Variants in CYB5B observed in about 807,000 individuals in gnomAD.
CYB5B encodes the protein cytochrome b5 type B (outer mitochondrial membrane).
In CYB5B, 14 loss-of-function variants were observed where a neutral mutation model predicts 21.3. The observed-to-expected ratio is 0.66, with a 90% CI of 0.43 to 1.03. CYB5B has a LOEUF of 1.03. Ranked by LOEUF, CYB5B falls within the 50% of genes least tolerant of loss-of-function variation. The probability of loss-of-function intolerance (pLI) is 0.00; values close to 1 mark genes in which losing one functional copy is unlikely to be tolerated. For synonymous variants in CYB5B, 69 were observed against 68.4 expected (o/e 1.01, Z -0.04); for missense variants, 166 against 185.1 (o/e 0.90, Z 0.60).
At chr16:69,432,987 G>A (rs1403093795) in intron 1 of CYB5B, among the ~76,000 whole-genome samples, 2 of 152,152 alleles carry the variant, frequency 1.3e-5, no homozygotes, top group South Asian at 2.1e-4. Flanking sequence ...TAATAGAGAC[G>A]GGGTTTTGCC....
rs748608087 is a variant in CYB5B at position 69,447,238 on chromosome 16, G to C, written c.263G>C (p.Arg88Thr). 1.1e-5 allele frequency: 17 copies of C among 1,614,088 alleles called. No homozygotes were observed. The highest frequency in any genetic ancestry group is 1.4e-5 in the Non-Finnish European group (17 of 1,180,004). ...FEDVGHSSDA[R>T]EMLKQYYIGD... ...GATGTAGGACACTCTTCTGATGCCA[G>C]AGAAATGCTAAAGCAGTACTACATT... Residue 88 changes from arginine (R) to threonine (T), a missense_variant, in exon 2 of 5, where the codon AGA becomes ACA. By Grantham distance (71) the Arg-to-Thr change is moderately conservative. Transcript: ENST00000307892.
intron 1 of CYB5B, among the ~76,000 whole-genome samples, chr16:69,436,651 T>C (rs1435392367): frequency 6.6e-6 from 1 of 152,238 alleles, no homozygotes; most frequent in African/African-American, 2.4e-5. Context: ...GGTAATGTGT[T>C]TGGCTAGAGG....
chr16:69,432,237 C>T (rs1315817298), intron 1 of CYB5B, among the ~76,000 whole-genome samples: 4 of 152,206 alleles, frequency 2.6e-5, no homozygotes, highest in African/African-American at 9.6e-5. Context: ...AATTTACAGA[C>T]AGTCCCTGAC....
rs770235130 is a variant in CYB5B at position 69,447,290 on chromosome 16, CAG to C, written c.303+16_303+17del. On this transcript the variant is annotated intron_variant, in intron 2 of 4. Coordinates refer to ENST00000307892, the MANE Select transcript of CYB5B (RefSeq NM_030579.3). ...GTGATATCCATCCGGTAAGAACTAT[CAG>C]AGATGGGAGCCCTTATGCAGAGAAA... The C allele has an allele frequency of 4.3e-6, 7 of 1,611,948 alleles. No homozygotes were observed. Among genetic ancestry groups the C allele is most frequent in the African/African-American group, 1.3e-5 (1 of 74,896 alleles).
chr16:69,435,868 A>ACCTCAGGTGATCCTCCTGG (rs2014755232), intron 1 of CYB5B, among the ~76,000 whole-genome samples: 1 of 151,946 alleles, frequency 6.6e-6, no homozygotes, highest in Non-Finnish European at 1.5e-5. Flanking sequence ...CAAACTCCTG[A>ACCTCAGGTGATCCTCCTGG]CCTCAGGTGA....
Position 69,453,924 on chromosome 16 carries a change from A to G in CYB5B, c.334-5169A>G, listed in dbSNP as rs80007498. 1.2e-4 allele frequency among the ~76,000 whole-genome samples: 18 copies of G among 152,342 alleles called. No homozygotes were observed. In the East Asian group the frequency reaches 3.5e-3, roughly 29 times the overall value. ...AACATAATCTTTTGAAAGAAAGCATAGAATGTGATGACAAAATTACTCCTG... is the reference window on the plus strand; with the variant it reads ...AACATAATCTTTTGAAAGAAAGCATGGAATGTGATGACAAAATTACTCCTG... On this transcript the variant is annotated intron_variant, in intron 3 of 4. Transcript: ENST00000307892.
intron 1 of CYB5B, chr16:69,443,216 G>C (rs961058526): frequency 6.6e-6 from 1 of 152,532 alleles, no homozygotes; most frequent in Non-Finnish European, 1.5e-5. Flanking sequence ...GATTACAGGC[G>C]TGAGCCATGG....
At chr16:69,428,112 A>G (rs1404184344) in intron 1 of CYB5B, among the ~76,000 whole-genome samples, 1 of 151,946 alleles carries the variant, frequency 6.6e-6, no homozygotes, top group East Asian at 1.9e-4. Flanking sequence ...GGTGTGAGCC[A>G]CTGTGCTCAG....
chr16:69,455,648 C>T (rs776818429), intron 3 of CYB5B, among the ~76,000 whole-genome samples: 4 of 151,936 alleles, frequency 2.6e-5, no homozygotes, highest in African/African-American at 7.3e-5. Flanking sequence ...CCTCGTGATC[C>T]GCCCACCTTG....
chr16:69,441,979 G>A lies in CYB5B; in HGVS notation c.175-5171G>A, dbSNP rs142967241. The stretch of plus-strand genomic sequence containing the variant: ...GAGTTTGTGTGAATGAAGTTTTCAC[G>A]TATTTGCTCTTCATGTCATCCTGTA... On this transcript the variant is annotated intron_variant, in intron 1 of 4. Transcript: ENST00000307892. Among the ~76,000 whole-genome samples, 14 of 152,256 alleles carry A rather than the reference G, an allele frequency of 9.2e-5. No homozygotes were observed. The East Asian group carries it at 9.6e-4, about 10-fold the overall frequency.
rs368312803 is a variant in CYB5B at position 69,462,463 on chromosome 16, C to T, written c.396C>T (p.Gly132=). The T allele has an allele frequency of 5.0e-6, 8 of 1,614,082 alleles. No homozygotes were observed. Among genetic ancestry groups the T allele is most frequent in the East Asian group, 2.2e-5 (1 of 44,890 alleles). The change falls in exon 5 of 5, where the codon GGC becomes GGT. Residue 132 remains glycine (G), a synonymous_variant. Coordinates refer to ENST00000307892, the MANE Select transcript of CYB5B (RefSeq NM_030579.3). The part of the protein sequence containing the change: ...CWAYWILPII[G]AVLLGFLYRY... ...CATATTGGATTTTACCCATCATAGGCGCTGTTCTCTTAGGTTTCCTGTACC... is the reference window on the plus strand; with the variant it reads ...CATATTGGATTTTACCCATCATAGGTGCTGTTCTCTTAGGTTTCCTGTACC...
intron 1 of CYB5B, 88 bp downstream of exon 1, chr16:69,424,945 C>G (rs2014627497): frequency 3.8e-6 from 5 of 1,331,362 alleles, no homozygotes; most frequent in Admixed American, 3.3e-5. Context: ...GGAAGGGAGG[C>G]TTGGCTGGGG....
intron 3 of CYB5B, among the ~76,000 whole-genome samples, chr16:69,450,707 G>A (rs927844735): frequency 6.6e-6 from 1 of 152,120 alleles, no homozygotes; most frequent in Admixed American, 6.5e-5. Flanking sequence ...AATGGAAATG[G>A]AGTTCATTTC....
rs554511794 is a variant in CYB5B, at chr16:69,443,012, G to A, written c.175-4138G>A. 1.1e-4 allele frequency among the ~76,000 whole-genome samples: 16 copies of A among 152,120 alleles called. No individual in the cohort carries two copies. The South Asian group carries it at 1.9e-3, about 18-fold the overall frequency. Reference sequence around the variant, plus strand: ...TGCCCAGGCTGGAGTGCAGTGGTGCGATTGTGGCTCACTGAAAACTTCGCC... The same window carrying A: ...TGCCCAGGCTGGAGTGCAGTGGTGCAATTGTGGCTCACTGAAAACTTCGCC... On this transcript the variant is annotated intron_variant, in intron 1 of 4. Transcript: ENST00000307892.
At chr16:69,441,137 C>T (rs2014817712) in intron 1 of CYB5B, among the ~76,000 whole-genome samples, 1 of 150,972 alleles carries the variant, frequency 6.6e-6, no homozygotes, top group South Asian at 2.1e-4. Flanking sequence ...TTCTGATTTC[C>T]CAGTTTTACT....
Position 69,448,114 on chromosome 16 carries a change from G to C in CYB5B, c.304-1G>C. 6.2e-7 allele frequency: 1 copy of C among 1,609,998 alleles called. No individual in the cohort carries two copies. Among genetic ancestry groups the C allele is most frequent in the Non-Finnish European group, 8.5e-7 (1 of 1,179,110 alleles). ...ATTATTTGTTTTCCTTTTTTTGACA[G>C]AGTGACCTTAAACCTGAAAGTGGTA... On this transcript the variant is annotated splice_acceptor_variant, in intron 2 of 4. Coordinates refer to ENST00000307892, the MANE Select transcript of CYB5B (RefSeq NM_030579.3). LOFTEE classifies it high-confidence loss of function.
intron 1 of CYB5B, among the ~76,000 whole-genome samples, chr16:69,429,616 A>T (rs1170485622): frequency 6.6e-6 from 1 of 152,188 alleles, no homozygotes; most frequent in Non-Finnish European, 1.5e-5. Flanking sequence ...TGTTTTAGTA[A>T]TTAGGCAAGA....
chr16:69,437,371 T>C (rs73566713), intron 1 of CYB5B, among the ~76,000 whole-genome samples: 2,996 of 152,134 alleles, frequency 0.02, 100 homozygotes, highest in African/African-American at 0.068. Flanking sequence ...ACAAAGCAAA[T>C]CCTAGAAAAA....
rs1236540318 is a variant in CYB5B, at chr16:69,466,192, CTCTT to C, written c.*3676_*3679del. On this transcript the variant is annotated 3_prime_UTR_variant, in exon 5 of 5. Coordinates refer to ENST00000307892, the MANE Select transcript of CYB5B (RefSeq NM_030579.3). ...GAATATTTTGAACAAAGATCTTTGT[CTCTT>C]TCTGCTGGAATGCGCACACAGTGAA... is the stretch of plus-strand genomic sequence containing the variant. The C allele has an allele frequency of 2.0e-5, 3 of 152,680 alleles. No individual in the cohort carries two copies. The highest frequency in any genetic ancestry group is 2.1e-4 in the South Asian group (1 of 4,828). 9.5% of individuals were successfully genotyped at this position (152,680 alleles called of 1,614,324 possible). A position where few individuals can be genotyped will look rare whatever the true frequency, so the allele number is the denominator to read the frequency against.
Sources: allele counts gnomAD v4.1 joint callset (sites outside exome capture counted in the v4.1 genomes callset), GRCh38; gene constraint gnomAD v4.1.1; transcripts MANE v1.5; gene names NCBI Gene and HGNC (gene_info 2026-07-23, HGNC 2026-07-21).